The following PARD3 variants were observed in gnomAD, a reference collection of about 807,000 sequenced individuals.
PARD3 encodes partitioning defective 3 homolog.
PARD3 carries 75 observed loss-of-function variants against 155.4 expected under a neutral mutation model. The ratio of observed to expected loss-of-function variants is 0.48; its 90% CI spans 0.40 to 0.58. PARD3 has a LOEUF of 0.58. PARD3 is among the 20% of genes least tolerant of loss of function. The pLI, the probability that PARD3 is intolerant of heterozygous loss-of-function variation, is 0.00. For missense variants in PARD3, 1,642 were observed against 1,721.7 expected, an observed-to-expected ratio of 0.95 and a Z score of 0.82; for synonymous variants, 576 against 610.5, an observed-to-expected ratio of 0.94 and a Z score of 0.83.
intron 2 of PARD3, among the ~76,000 whole-genome samples, chr10:34,598,660 T>C (rs2089502911): frequency 6.6e-6 from 1 of 152,094 alleles, no homozygotes; most frequent in Non-Finnish European, 1.5e-5. Context: ...GTAAATGGGG[T>C]TGCACCCCAT....
intron 1 of PARD3, among the ~76,000 whole-genome samples, chr10:34,702,968 T>A (rs908729875): frequency 6.6e-6 from 1 of 152,166 alleles, no homozygotes; most frequent in Non-Finnish European, 1.5e-5. Context: ...ATCACTGGTA[T>A]CCTGAGAGAG....
chr10:34,640,736 A>AAAAAAAAAAAAG (rs2092651601), intron 2 of PARD3, among the ~76,000 whole-genome samples: 8 of 144,066 alleles, frequency 5.6e-5, no homozygotes, highest in African/African-American at 2.1e-4. Context: ...AAAAAAAAAA[A>AAAAAAAAAAAAG]GCACTTTTAG....
intron 14 of PARD3, among the ~76,000 whole-genome samples, chr10:34,353,319 GTGTC>G (rs1422187514): frequency 6.6e-6 from 1 of 152,222 alleles, no homozygotes; most frequent in Non-Finnish European, 1.5e-5. Context: ...GATTTTTACT[GTGTC>G]TGTGTAGAAA....
chr10:34,483,910 A>C (rs2079264247), intron 3 of PARD3, among the ~76,000 whole-genome samples: 1 of 152,162 alleles, frequency 6.6e-6, no homozygotes, highest in South Asian at 2.1e-4. Flanking sequence ...CATCTTAATT[A>C]ATATATATTG....
intron 22 of PARD3, among the ~76,000 whole-genome samples, chr10:34,244,780 T>C (rs1236235090): frequency 1.3e-5 from 2 of 152,224 alleles, no homozygotes; most frequent in African/African-American, 4.8e-5. Flanking sequence ...CTTGAAGTCA[T>C]CATTTTTCAT....
At chr10:34,716,593 T>TTC (rs1554818633) in intron 1 of PARD3, among the ~76,000 whole-genome samples, 1 of 140,474 alleles carries the variant, frequency 7.1e-6, no homozygotes, top group East Asian at 2.0e-4. Flanking sequence ...TTCTTTTTTT[T>TTC]TTTTTTTTTT....
chr10:34,767,979 A>C (rs536547973), intron 1 of PARD3, among the ~76,000 whole-genome samples: 4 of 152,216 alleles, frequency 2.6e-5, no homozygotes, highest in South Asian at 2.1e-4. Context: ...ATGAGATTCT[A>C]ATCTTTCTAT....
rs991548072 is a variant in PARD3, at chr10:34,562,061, A to G, written c.223-44902T>C. 9.5e-5 allele frequency among the ~76,000 whole-genome samples: 11 copies of G among 115,560 alleles called. No homozygotes were observed. In the East Asian group the frequency reaches 3.3e-3, roughly 35 times the overall value. The allele number at this position is 115,560 out of a possible 152,430, so 75.8% of individuals were successfully genotyped here. On this transcript the variant is annotated intron_variant, in intron 2 of 24. Transcript: ENST00000374788. ...AGGGAGAGAATCACTTGAACCTGGG[A>G]GGGGGGGTGAACCGAGATCACGCCA...
chr10:34,119,591 G>A, intron 24 of PARD3, 22 bp downstream of exon 24: 1 of 1,579,420 alleles, frequency 6.3e-7, no homozygotes, highest in Non-Finnish European at 8.7e-7. Flanking sequence ...GGATCTGGAG[G>A]CTCGGCCAAG....
At chr10:34,273,090 A>G (rs745567407) in intron 21 of PARD3, among the ~76,000 whole-genome samples, 10 of 152,218 alleles carry the variant, frequency 6.6e-5, no homozygotes, top group Non-Finnish European at 1.5e-4. Flanking sequence ...TATACTTATC[A>G]TACTGTCCAG....
intron 21 of PARD3, among the ~76,000 whole-genome samples, chr10:34,273,376 A>G (rs973158176): frequency 1.3e-5 from 2 of 152,338 alleles, no homozygotes; most frequent in Middle Eastern, 6.8e-3. Context: ...TGCAATGTGA[A>G]AAAAACCCCA....
At chr10:34,801,403 A>C (rs1374172247) in intron 1 of PARD3, among the ~76,000 whole-genome samples, 1 of 152,202 alleles carries the variant, frequency 6.6e-6, no homozygotes, top group Non-Finnish European at 1.5e-5. Flanking sequence ...GAGATGTTTA[A>C]GGTCTTCAAA....
intron 7 of PARD3, among the ~76,000 whole-genome samples, chr10:34,391,495 T>C (rs752490817): frequency 1.3e-5 from 2 of 152,174 alleles, no homozygotes; most frequent in African/African-American, 4.8e-5. Flanking sequence ...ATTATAATCA[T>C]GTAAATCTTA....
intron 2 of PARD3, among the ~76,000 whole-genome samples, chr10:34,628,591 A>T (rs768916775): frequency 1.3e-5 from 2 of 152,234 alleles, no homozygotes; most frequent in Non-Finnish European, 2.9e-5. Flanking sequence ...ACTTGGCCTT[A>T]GCCGTTGGGG....
intron 12 of PARD3, among the ~76,000 whole-genome samples, chr10:34,362,083 A>C (rs1839503462): frequency 6.6e-6 from 1 of 152,146 alleles, no homozygotes; most frequent in African/African-American, 2.4e-5. Context: ...GTGGATCACG[A>C]GGTCAGGAGA....
intron 2 of PARD3, among the ~76,000 whole-genome samples, chr10:34,613,481 G>A (rs1345825588): frequency 2.0e-5 from 3 of 152,116 alleles, no homozygotes; most frequent in Non-Finnish European, 2.9e-5. Context: ...CATACCAGTA[G>A]CCCAATGGTA....
At chr10:34,219,221 G>A (rs894380164) in intron 22 of PARD3, among the ~76,000 whole-genome samples, 5 of 152,128 alleles carry the variant, frequency 3.3e-5, no homozygotes, top group Non-Finnish European at 7.4e-5. Flanking sequence ...CATAGAAGGC[G>A]GTCTTAGGAG....
At chr10:34,580,606 T>C (rs1254793525) in intron 2 of PARD3, among the ~76,000 whole-genome samples, 1 of 152,208 alleles carries the variant, frequency 6.6e-6, no homozygotes, top group Admixed American at 6.5e-5. Context: ...TACAGAAAAC[T>C]GTAAGTTATC....
chr10:34,530,417 C>T (rs1215321373), intron 2 of PARD3, among the ~76,000 whole-genome samples: 1 of 152,152 alleles, frequency 6.6e-6, no homozygotes, highest in Non-Finnish European at 1.5e-5. Context: ...GGCACTGCTT[C>T]GTCTCTGTCT....
Sources: allele counts gnomAD v4.1 joint callset (sites outside exome capture counted in the v4.1 genomes callset), GRCh38; gene constraint gnomAD v4.1.1; transcripts MANE v1.5; gene names NCBI Gene and HGNC (gene_info 2026-07-23, HGNC 2026-07-21).